RNF150: variants seen among roughly 807,000 people sequenced by gnomAD.
RNF150 encodes the protein ring finger protein 150.
RNF150 carries 24 observed loss-of-function variants against 39.3 expected under a neutral mutation model. The ratio of observed to expected loss-of-function variants is 0.61; its 90% CI spans 0.44 to 0.86. The LOEUF (loss-of-function observed/expected upper bound fraction) is 0.86, where lower values mean the gene tolerates loss of function less well. Among genes scored for constraint, RNF150 ranks in the 40% least tolerant of loss-of-function variants. RNF150 has a pLI of 0.00. For synonymous variants in RNF150, 255 were observed against 227.3 expected, an observed-to-expected ratio of 1.12 and a Z score of -1.10; for missense variants, 502 against 587.8, an observed-to-expected ratio of 0.85 and a Z score of 1.51.
chr4:141,037,378 T>C (rs1560702350), intron 1 of RNF150, among the ~76,000 whole-genome samples: 1 of 152,224 alleles, frequency 6.6e-6, no homozygotes, highest in Non-Finnish European at 1.5e-5. Flanking sequence ...GGAATATTTA[T>C]GTTAATGTGA....
At chr4:140,911,410 A>C (rs949847491) in intron 5 of RNF150, 56 bp from the exon 6 acceptor site, 32 of 1,442,348 alleles carry the variant, frequency 2.2e-5, no homozygotes, top group Middle Eastern at 3.9e-4. Flanking sequence ...TAGAGATTAA[A>C]TGTCTATAGC....
At chr4:141,122,475 G>A (rs1373412594) in intron 1 of RNF150, among the ~76,000 whole-genome samples, 1 of 152,234 alleles carries the variant, frequency 6.6e-6, no homozygotes, top group Non-Finnish European at 1.5e-5. Flanking sequence ...AACATCTGAA[G>A]ACTTCATCAT....
intron 6 of RNF150, among the ~76,000 whole-genome samples, chr4:140,899,944 T>TCTCTCTCTCTCTCTCTCTCTCTC (rs1730114654): frequency 9.1e-6 from 1 of 110,022 alleles, no homozygotes; most frequent in Non-Finnish European, 1.8e-5. Flanking sequence ...CTCTCTCACT[T>TCTCTCTCTCTCTCTCTCTCTCTC]TCTCTCTCTC....
intron 6 of RNF150, among the ~76,000 whole-genome samples, chr4:140,900,919 C>A (rs1730166024): frequency 6.6e-6 from 1 of 152,004 alleles, no homozygotes; most frequent in Non-Finnish European, 1.5e-5. Context: ...AACTGAGGCC[C>A]AGAGATATTA....
rs111836832 is a variant in RNF150 at position 141,151,484 on chromosome 4, C to G, written c.-6+61310G>C. Reference sequence around the variant, plus strand: ...CACAGACACACACACAAATTTAAGTCAATACTGAGAACTGTAGGAATGTTT... The same window carrying G: ...CACAGACACACACACAAATTTAAGTGAATACTGAGAACTGTAGGAATGTTT... On this transcript the variant is annotated intron_variant, in intron 1 of 7. Transcript: ENST00000420921. Among the ~76,000 whole-genome samples the G allele has an allele frequency of 6.1e-3, 896 of 146,266 alleles. 8 individuals are homozygous for G. The highest frequency in any genetic ancestry group is 0.021 in the African/African-American group (842 of 39,594).
At chr4:140,992,256 G>C (rs1017916295) in intron 1 of RNF150, among the ~76,000 whole-genome samples, 1 of 152,076 alleles carries the variant, frequency 6.6e-6, no homozygotes, top group Non-Finnish European at 1.5e-5. Context: ...AATGCACCCA[G>C]CACTTTGGGA....
chr4:141,056,159 G>A (rs763015617), intron 1 of RNF150, among the ~76,000 whole-genome samples: 3 of 152,092 alleles, frequency 2.0e-5, no homozygotes, highest in Non-Finnish European at 4.4e-5. Context: ...TGATAAAGAC[G>A]AGAATCATTC....
At chr4:141,208,418 T>C (rs559939403) in intron 1 of RNF150, among the ~76,000 whole-genome samples, 44 of 152,344 alleles carry the variant, frequency 2.9e-4, no homozygotes, top group African/African-American at 1.0e-3. Context: ...CACTTAGCGA[T>C]TTCAGATTCA....
chr4:141,032,299 A>G (rs1735979472), intron 1 of RNF150, among the ~76,000 whole-genome samples: 1 of 152,130 alleles, frequency 6.6e-6, no homozygotes, highest in African/African-American at 2.4e-5. Flanking sequence ...GGGAAATGGG[A>G]TTATGTTGGT....
intron 1 of RNF150, among the ~76,000 whole-genome samples, chr4:141,169,906 T>C (rs920509837): frequency 3.3e-5 from 5 of 152,156 alleles, no homozygotes; most frequent in Admixed American, 3.3e-4. Context: ...TAAAATTCCA[T>C]GACTCTACAA....
chr4:141,008,426 G>A (rs771213037), intron 1 of RNF150, among the ~76,000 whole-genome samples: 8 of 152,014 alleles, frequency 5.3e-5, no homozygotes, highest in Admixed American at 2.0e-4. Flanking sequence ...ATTTAATTAA[G>A]TCCAATTTAT....
At chr4:140,889,497 CAA>C (rs1729686839) in intron 6 of RNF150, among the ~76,000 whole-genome samples, 1 of 152,160 alleles carries the variant, frequency 6.6e-6, no homozygotes, top group South Asian at 2.1e-4. Context: ...ATCATTGATT[CAA>C]AAGTTTGCAA....
At chr4:140,927,650 C>T (rs1318309018) in intron 4 of RNF150, among the ~76,000 whole-genome samples, 17 of 126,898 alleles carry the variant, frequency 1.3e-4, no homozygotes, top group Non-Finnish European at 2.4e-4. Context: ...TTTTTTGTTT[C>T]TTTTTTTTTT....
rs549477564 is a variant in RNF150, at chr4:141,133,068, G to A, written c.-260C>T. 3.0e-4 allele frequency: 119 copies of A among 394,736 alleles called. 3 individuals carry two copies. In the East Asian group the frequency reaches 7.0e-3, roughly 23 times the overall value. The allele number at this position is 394,736 out of a possible 1,614,324, so 24.5% of individuals were successfully genotyped here. The stretch of plus-strand genomic sequence containing the variant: ...GCGCCCGGGGGGCGCGGGAACAGAG[G>A]GCCCGCGGGGCTTGCGGAGGAGTCC... On this transcript the variant is annotated 5_prime_UTR_variant, in exon 1 of 7. Coordinates refer to ENST00000515673, the MANE Select transcript of RNF150 (RefSeq NM_020724.2).
At chr4:141,061,257 T>G (rs1737215327) in intron 1 of RNF150, among the ~76,000 whole-genome samples, 1 of 152,210 alleles carries the variant, frequency 6.6e-6, no homozygotes, top group Admixed American at 6.5e-5. Context: ...ATGCAGATAC[T>G]AGCCTAAATT....
intron 1 of RNF150, among the ~76,000 whole-genome samples, chr4:141,187,114 CA>C (rs541275274): frequency 9.1e-4 from 139 of 152,222 alleles, no homozygotes; most frequent in African/African-American, 3.2e-3. Context: ...GTTATTTACC[CA>C]AGTAGTCATT....
Position 141,181,683 on chromosome 4 carries a change from T to C in RNF150, c.-6+31111A>G, listed in dbSNP as rs78760331. ...GTTCATGCTATATCATCTACAAATA[T>C]GAAGACTGTGCTCAATTAAACAGAG... On this transcript the variant is annotated intron_variant, in intron 1 of 7. Coordinates refer to the RNF150 transcript ENST00000420921. Among the ~76,000 whole-genome samples, 8 of 152,320 alleles carry C rather than the reference T, an allele frequency of 5.3e-5. No homozygotes were observed. The East Asian group carries it at 1.4e-3, about 26-fold the overall frequency.
At position 140,923,073 on chromosome 4, in the gene RNF150, G is replaced by A. The variant is rs973052992; in HGVS notation, c.987+2904C>T. ...ACATAGGCATGGGCAAGGACTTCAC[G>A]TCTAAAACACCAAAAGCAATGGCAA... On this transcript the variant is annotated intron_variant, in intron 5 of 6. Coordinates refer to ENST00000515673, the MANE Select transcript of RNF150 (RefSeq NM_020724.2). Among the ~76,000 whole-genome samples, 50 of 150,884 alleles carry A rather than the reference G, an allele frequency of 3.3e-4. 2 individuals carry two copies. Among genetic ancestry groups the A allele is most frequent in the African/African-American group, 1.2e-3 (50 of 40,540 alleles).
At chr4:141,121,583 T>G (rs1220192392) in intron 1 of RNF150, among the ~76,000 whole-genome samples, 1 of 152,188 alleles carries the variant, frequency 6.6e-6, no homozygotes, top group African/African-American at 2.4e-5. Context: ...TGACTCATTA[T>G]CGTATTATTC....
Sources: gnomAD v4.1 joint callset for allele counts (sites outside exome capture counted in the v4.1 genomes callset) on GRCh38, gnomAD v4.1.1 for gene constraint, MANE v1.5 for transcripts, NCBI Gene and HGNC (gene_info 2026-07-23, HGNC 2026-07-21) for gene names.